CPB2: variants seen among roughly 807,000 people sequenced by gnomAD.
CPB2 encodes the protein carboxypeptidase B-like protein.
A neutral mutation model predicts 57.0 loss-of-function variants in CPB2; 54 were observed. The observed-to-expected ratio is 0.95, with a 90% CI of 0.76 to 1.19. The LOEUF (loss-of-function observed/expected upper bound fraction) is 1.19, where lower values mean the gene tolerates loss of function less well. Ranked by LOEUF, CPB2 falls within the 50% of genes most tolerant of loss-of-function variation. The pLI is 0.00. For missense variants in CPB2, 426 were observed against 512.0 expected (o/e 0.83, Z 1.62); for synonymous variants, 189 against 178.1 (o/e 1.06, Z -0.49).
intron 1 of CPB2, chr13:46,100,365 T>C (rs955538407): frequency 6.6e-6 from 1 of 152,198 alleles, no homozygotes; most frequent in Non-Finnish European, 1.5e-5. Flanking sequence ...GGTAATGGGA[T>C]GAGGGTCAGT....
intron 6 of CPB2, 21 bp downstream of exon 6, chr13:46,073,852 T>C: frequency 6.7e-7 from 1 of 1,483,120 alleles, no homozygotes; most frequent in Non-Finnish European, 9.2e-7. Flanking sequence ...GAAATAGGGT[T>C]AAGAGAATGT....
intron 2 of CPB2, among the ~76,000 whole-genome samples, chr13:46,085,791 C>T (rs1171852643): frequency 2.6e-5 from 4 of 152,188 alleles, no homozygotes; most frequent in African/African-American, 9.7e-5. Flanking sequence ...TACAGGATCC[C>T]TGGGGTCGCT....
chr13:46,092,407 G>A (rs1440256317), intron 1 of CPB2, among the ~76,000 whole-genome samples: 1 of 152,148 alleles, frequency 6.6e-6, no homozygotes, highest in Non-Finnish European at 1.5e-5. Flanking sequence ...AATACATCAT[G>A]ATAATATAAA....
intron 1 of CPB2, 38 bp from the exon 2 acceptor site, chr13:46,087,858 A>G: frequency 7.3e-7 from 1 of 1,367,300 alleles, no homozygotes; most frequent in Non-Finnish European, 1.0e-6. Flanking sequence ...GATATTAAAT[A>G]AAGAGTAAAG....
At chr13:46,082,930 G>A (rs528586921) in intron 3 of CPB2, among the ~76,000 whole-genome samples, 1 of 151,618 alleles carries the variant, frequency 6.6e-6, no homozygotes, top group South Asian at 2.1e-4. Flanking sequence ...AGTTAAAGAG[G>A]AAGAAGAAGC....
At chr13:46,066,033 G>T (rs2044849125) in intron 7 of CPB2, among the ~76,000 whole-genome samples, 1 of 152,122 alleles carries the variant, frequency 6.6e-6, no homozygotes, top group East Asian at 1.9e-4. Context: ...AAAATTTTCA[G>T]TTACAGTATT....
At chr13:46,103,853 C>T (rs1015716742) in intron 1 of CPB2, among the ~76,000 whole-genome samples, 2 of 152,098 alleles carry the variant, frequency 1.3e-5, no homozygotes, top group African/African-American at 4.8e-5. Context: ...TATGATTCAC[C>T]GATAAAATAC....
intron 1 of CPB2, chr13:46,100,370 G>T (rs1363640541): frequency 6.6e-6 from 1 of 152,146 alleles, no homozygotes; most frequent in Non-Finnish European, 1.5e-5. Flanking sequence ...TGGGATGAGG[G>T]TCAGTCAGAT....
chr13:46,069,905 A>G (rs2044912734), intron 6 of CPB2, among the ~76,000 whole-genome samples: 2 of 152,194 alleles, frequency 1.3e-5, no homozygotes, highest in African/African-American at 2.4e-5. Flanking sequence ...GAACTTCCAC[A>G]TTGTTTTTCA....
chr13:46,066,860 AAAAAG>A (rs2044863485), intron 7 of CPB2, among the ~76,000 whole-genome samples: 1 of 151,652 alleles, frequency 6.6e-6, no homozygotes. Flanking sequence ...AAAAAAAAAA[AAAAAG>A]TTATTATACA....
chr13:46,085,839 C>G (rs1390770802), intron 2 of CPB2, among the ~76,000 whole-genome samples: 1 of 152,226 alleles, frequency 6.6e-6, no homozygotes, highest in African/African-American at 2.4e-5. Flanking sequence ...GGCGCCTTTG[C>G]CTAAGCTTTG....
chr13:46,078,101 T>A (rs1290216838), intron 5 of CPB2, among the ~76,000 whole-genome samples: 1 of 152,128 alleles, frequency 6.6e-6, no homozygotes, highest in Non-Finnish European at 1.5e-5. Flanking sequence ...TTTGAAGTGA[T>A]GGATATCCCA....
At chr13:46,095,431 C>T (rs2045351452) in intron 1 of CPB2, among the ~76,000 whole-genome samples, 1 of 152,144 alleles carries the variant, frequency 6.6e-6, no homozygotes, top group Non-Finnish European at 1.5e-5. Context: ...TTTAATTTGC[C>T]ATCTGGATCC....
chr13:46,069,290 C>T (rs1226652680), intron 6 of CPB2, among the ~76,000 whole-genome samples: 1 of 152,212 alleles, frequency 6.6e-6, no homozygotes, highest in East Asian at 1.9e-4. Context: ...GCTATAGCTA[C>T]AATCCCGAAG....
intron 1 of CPB2, among the ~76,000 whole-genome samples, chr13:46,089,485 A>G (rs1319636688): frequency 1.3e-5 from 2 of 152,290 alleles, no homozygotes; most frequent in East Asian, 1.9e-4. Context: ...GTGGAGTTGC[A>G]TAATGGAAGC....
Position 46,073,946 on chromosome 13 carries a change from G to T in CPB2, c.518C>A (p.Ala173Asp). ...ATGGATTCCACAGTCAATCCATATG[G>T]CATTTTTGGCTGCTTGTTCTTTTCC... ...VSGKEQAAKNAIWIDCGIHAR... is the reference protein window; with the variant it reads ...VSGKEQAAKNDIWIDCGIHAR... The change falls in exon 6 of 11, where the codon GCC (alanine) becomes GAC (aspartate). Residue 173 changes from alanine (A) to aspartate (D), a missense_variant. Coordinates refer to ENST00000181383, the MANE Select transcript of CPB2 (RefSeq NM_001872.5). 1 of 1,588,494 alleles carries T rather than the reference G, an allele frequency of 6.3e-7. No homozygotes were observed. The highest frequency in any genetic ancestry group is 8.6e-7 in the Non-Finnish European group (1 of 1,160,112).
At chr13:46,084,853 A>AT (rs1291650708) in intron 2 of CPB2, among the ~76,000 whole-genome samples, 44 of 147,866 alleles carry the variant, frequency 3.0e-4, no homozygotes, top group African/African-American at 9.8e-4. Flanking sequence ...TTTATTTTTT[A>AT]TTTTTTATTT....
chr13:46,068,893 G>A (rs1198164886), intron 6 of CPB2, among the ~76,000 whole-genome samples: 2 of 152,176 alleles, frequency 1.3e-5, no homozygotes, highest in East Asian at 1.9e-4. Context: ...TTTATGTTAC[G>A]AATTTATAAA....
In CPB2 at chr13:46,053,293, G is replaced by A. The variant is rs2139328618; in HGVS notation, c.*321C>T. On this transcript the variant is annotated 3_prime_UTR_variant, in exon 11 of 11. Coordinates refer to ENST00000181383, the MANE Select transcript of CPB2 (RefSeq NM_001872.5). ...TGTTGAGTAGGATCCAATGATCAGCGTGAGATGATCATTGATTAAACTTGC... is the reference window on the plus strand; with the variant it reads ...TGTTGAGTAGGATCCAATGATCAGCATGAGATGATCATTGATTAAACTTGC... 1 of 218,678 alleles carries A rather than the reference G, an allele frequency of 4.6e-6. No individual in the cohort carries two copies. Among genetic ancestry groups the A allele is most frequent in the Non-Finnish European group, 9.1e-6 (1 of 109,316 alleles). The allele number at this position is 218,678 out of a possible 1,614,324, so 13.5% of individuals were successfully genotyped here.
Sources: gnomAD v4.1 joint callset for allele counts (sites outside exome capture counted in the v4.1 genomes callset) on GRCh38, gnomAD v4.1.1 for gene constraint, MANE v1.5 for transcripts, NCBI Gene and HGNC (gene_info 2026-07-23, HGNC 2026-07-21) for gene names.